HK3: variants seen among roughly 807,000 people sequenced by gnomAD.
The protein encoded by HK3 is hexokinase-3.
Under a neutral mutation model 91.0 loss-of-function variants are expected in HK3, and 93 were observed. That is an observed-to-expected ratio of 1.02 (90% CI 0.86 to 1.21). HK3 has a LOEUF of 1.21. Among genes scored for constraint, HK3 ranks in the 50% most tolerant of loss-of-function variants. The pLI, the probability that HK3 is intolerant of heterozygous loss-of-function variation, is 0.00. For synonymous variants in HK3, 519 were observed against 516.9 expected, an observed-to-expected ratio of 1.00 and a Z score of -0.06; for missense variants, 1,235 against 1,247.4, an observed-to-expected ratio of 0.99 and a Z score of 0.15.
chr5:176,898,023 G>A (rs949896050), intron 1 of HK3, among the ~76,000 whole-genome samples: 8 of 152,062 alleles, frequency 5.3e-5, no homozygotes, highest in Admixed American at 2.0e-4. Context: ...ACGGCCGTTC[G>A]GGCTGCCTGC....
Position 176,882,102 on chromosome 5 carries a change from C to T in HK3, c.2079G>A (p.Met693Ile), listed in dbSNP as rs1469863578. 1 of 1,613,146 alleles carries T rather than the reference C, an allele frequency of 6.2e-7. No individual in the cohort carries two copies. The highest frequency in any genetic ancestry group is 8.5e-7 in the Non-Finnish European group (1 of 1,180,036). ...CGCCCGCCACATTCCGGAGCTCCTC[C>T]ATGTAGCAGGCATTGGTGCCGGTTC... is the stretch of plus-strand genomic sequence containing the variant. ...IVGTGTNACY[M>I]EELRNVAGVP... is the part of the protein sequence containing the mutation. The change falls in exon 16 of 19, where the codon ATG (methionine) becomes ATA (isoleucine). Residue 693 changes from methionine (M) to isoleucine (I), a missense_variant. Met to Ile is a conservative substitution (Grantham distance 10, BLOSUM62 1). Around this residue, in one of 3 missense-constraint regions of HK3, gnomAD observed 513 missense variants for 477.4 expected, o/e 1.07. Coordinates refer to ENST00000292432, the MANE Select transcript of HK3 (RefSeq NM_002115.3).
At position 176,883,789 on chromosome 5, in the gene HK3, G is replaced by A. The variant is rs140261586; in HGVS notation, c.2034C>T (p.Cys678=). The change falls in exon 15 of 19, where the codon TGC becomes TGT. Residue 678 remains cysteine (C), a synonymous_variant. Transcript: ENST00000292432. Reference sequence around the variant, plus strand: ...CCTCACCGACAATGAGGCCTATCTCGCAACGGGGGTCCTCATAGCCACAGG... The same window carrying A: ...CCTCACCGACAATGAGGCCTATCTCACAACGGGGGTCCTCATAGCCACAGG... ...MMSCGYEDPR[C]EIGLIVGTGT... 2.0e-3 allele frequency: 3,229 copies of A among 1,613,760 alleles called. 5 individuals carry two copies. The highest frequency in any genetic ancestry group is 2.2e-3 in the Non-Finnish European group (2,597 of 1,179,776).
Position 176,891,141 on chromosome 5 carries a change from G to A in HK3, c.310C>T (p.Arg104Cys), listed in dbSNP as rs141892147. The stretch of plus-strand genomic sequence containing the variant: ...CCAGTTAGAGTCACCCACAAAACAC[G>A]CAGTGAGGCCCCTGTGGCCCCCAGC... ...LELGATGASL[R>C]VLWVTLTGIE... Residue 104 changes from arginine (R) to cysteine (C), a missense_variant, in exon 4 of 19, where the codon CGT becomes TGT. Arg to Cys is a radical substitution (Grantham distance 180). Around this residue, in one of 3 missense-constraint regions of HK3, gnomAD observed 717 missense variants for 751.6 expected, o/e 0.95. Coordinates refer to ENST00000292432, the MANE Select transcript of HK3 (RefSeq NM_002115.3). 537 of 1,613,990 alleles carry A rather than the reference G, an allele frequency of 3.3e-4. 2 individuals are homozygous for A. Among genetic ancestry groups the A allele is most frequent in the Non-Finnish European group, 4.4e-4 (515 of 1,180,042 alleles).
In HK3 at chr5:176,884,866, A is replaced by G. The variant is rs3792730; in HGVS notation, c.1858-732T>C. Reference sequence around the variant, plus strand: ...TGCTCAGAGGAGGAGCATGGAGGGTAGGTCAGGAAATCTTTGGGGCAGAAG... The same window carrying G: ...TGCTCAGAGGAGGAGCATGGAGGGTGGGTCAGGAAATCTTTGGGGCAGAAG... On this transcript the variant is annotated intron_variant, in intron 13 of 18. Transcript: ENST00000292432. The surrounding 1 kb of genome is among the most constrained non-coding windows in gnomAD (Gnocchi z 4.1). Among the ~76,000 whole-genome samples, 1 of 152,224 alleles carries G rather than the reference A, an allele frequency of 6.6e-6. No homozygotes were observed. Among genetic ancestry groups the G allele is most frequent in the East Asian group, 1.9e-4 (1 of 5,198 alleles).
rs746813171 is a variant in HK3 at position 176,891,199 on chromosome 5, G to T, written c.260-8C>A. 6.2e-7 allele frequency: 1 copy of T among 1,614,114 alleles called. No homozygotes were observed. The highest frequency in any genetic ancestry group is 8.5e-7 in the Non-Finnish European group (1 of 1,180,042). Reference sequence around the variant, plus strand: ...CCACGAAGTCTCCTTGCTCTGGAGGGCAAGCAGGTCACAGAAAGCCATGCA... The same window carrying T: ...CCACGAAGTCTCCTTGCTCTGGAGGTCAAGCAGGTCACAGAAAGCCATGCA... On this transcript the variant is annotated splice_polypyrimidine_tract_variant and splice_region_variant and intron_variant, in intron 3 of 18. Coordinates refer to ENST00000292432, the MANE Select transcript of HK3 (RefSeq NM_002115.3).
At chr5:176,886,963 G>C (rs1387274387) in intron 13 of HK3, 39 bp downstream of exon 13, 1 of 1,611,634 alleles carries the variant, frequency 6.2e-7, no homozygotes, top group East Asian at 2.2e-5. Flanking sequence ...TGTGGGGGCA[G>C]GAGGCCCTTG....
intron 13 of HK3, among the ~76,000 whole-genome samples, chr5:176,885,302 CT>C (rs1758553433): frequency 6.6e-6 from 1 of 152,226 alleles, no homozygotes; most frequent in South Asian, 2.1e-4. Context: ...CCCGGGGCAC[CT>C]CCCTGAGTTC....
At chr5:176,895,074 G>GCCATAGGCAAGTCCTTTATCTCC (rs1224115763) in intron 2 of HK3, among the ~76,000 whole-genome samples, 2 of 137,180 alleles carry the variant, frequency 1.5e-5, no homozygotes, top group African/African-American at 5.8e-5. Context: ...ACTGCGCCCG[G>GCCATAGGCAAGTCCTTTATCTCC]ACTTTTTTTT....
chr5:176,891,367 A>T, intron 3 of HK3, 21 bp downstream of exon 3: 1 of 1,610,396 alleles, frequency 6.2e-7, no homozygotes, highest in East Asian at 2.2e-5. Context: ...CTGGCCACGC[A>T]TCTCAATCTA....
Position 176,888,456 on chromosome 5 carries a change from G to A in HK3, c.1180C>T (p.Arg394Trp), listed in dbSNP as rs200866754. Residue 394 changes from arginine (R) to tryptophan (W), a missense_variant, in exon 10 of 19, where the codon CGG becomes TGG. Arg to Trp is a moderately radical substitution (Grantham distance 101). Around this residue, in one of 3 missense-constraint regions of HK3, gnomAD observed 717 missense variants for 751.6 expected, o/e 0.95. Coordinates refer to ENST00000292432, the MANE Select transcript of HK3 (RefSeq NM_002115.3). ...VQHVCAAVCTRAAQLCAAALA... is the reference protein window; with the variant it reads ...VQHVCAAVCTWAAQLCAAALA... ...GCGGCAGCACAGAGCTGGGCAGCCC[G>A]CGTGCACACGGCCGCACAGACGTGC... 8.3e-5 allele frequency: 129 copies of A among 1,555,242 alleles called. No individual in the cohort carries two copies. The highest frequency in any genetic ancestry group is 2.9e-4 in the East Asian group (12 of 41,300).
At chr5:176,888,991 A>C in intron 8 of HK3, 127 bp from the exon 9 acceptor site, 1 of 1,057,810 alleles carries the variant, frequency 9.5e-7, no homozygotes, top group Non-Finnish European at 1.3e-6. Context: ...TCCAGAAGCA[A>C]CGAATAGCCT....
intron 15 of HK3, 76 bp from the exon 16 acceptor site, chr5:176,882,203 A>T: frequency 6.7e-7 from 1 of 1,485,192 alleles, no homozygotes; most frequent in Non-Finnish European, 9.2e-7. Context: ...CCATACCGAG[A>T]TGGCAACGAT....
rs761084352 is a variant in HK3, at chr5:176,888,782, AG to A, written c.996del (p.Phe333LeufsTer10). On this transcript the variant is annotated frameshift_variant, in exon 9 of 19. Transcript: ENST00000292432. LOFTEE classifies it high-confidence loss of function. ...AGGGCAGGGGAGGTGCAGCCACCAA[AG>A]AGGACCCCACACCGGGCCAAGTGAG... Reference protein sequence around the residue: ...VLAHLARCGVLFGGCTSPALL... With the variant: ...VLAHLARCGVXFGGCTSPALL... The A allele has an allele frequency of 1.9e-6, 3 of 1,614,060 alleles. No individual in the cohort carries two copies. The highest frequency in any genetic ancestry group is 2.5e-6 in the Non-Finnish European group (3 of 1,180,034).
rs1160905429 is a variant in HK3 at position 176,888,579 on chromosome 5, G to A, written c.1071-14C>T. The A allele has an allele frequency of 1.3e-6, 2 of 1,584,736 alleles. No homozygotes were observed. Among genetic ancestry groups the A allele is most frequent in the African/African-American group, 1.3e-5 (1 of 74,084 alleles). ...CCAGTAGAGGGGCTGGAGGGGAAAG[G>A]GAAGTGGTTTGGGGCTCAGCCCAGA... On this transcript the variant is annotated splice_polypyrimidine_tract_variant and intron_variant, in intron 9 of 18. Coordinates refer to ENST00000292432, the MANE Select transcript of HK3 (RefSeq NM_002115.3).
In HK3 at chr5:176,881,722, A is replaced by G. The variant is rs1279998246; in HGVS notation, c.2363T>C (p.Phe788Ser). The stretch of plus-strand genomic sequence containing the variant: ...GATCTCAGAGAGGAACTTGGTCTTG[A>G]AGATGTCCCTGGTCTGAAGGCGCTG... ...QIQRLQTRDI[F>S]KTKFLSEIES... Residue 788 changes from phenylalanine to serine, a missense_variant, in exon 17 of 19, where the codon TTC (phenylalanine) becomes TCC (serine). This residue lies in a region of HK3 where 513 missense variants were observed against 477.4 expected (regional missense o/e 1.07). Transcript: ENST00000292432. The G allele has an allele frequency of 1.9e-6, 3 of 1,614,018 alleles. No individual in the cohort carries two copies. In the African/African-American group the frequency reaches 4.0e-5, roughly 22 times the overall value.
chr5:176,883,676 TCCC>T (rs1409034982), intron 15 of HK3, 91 bp downstream of exon 15: 3 of 997,130 alleles, frequency 3.0e-6, no homozygotes, highest in Non-Finnish European at 4.7e-6. Flanking sequence ...CAATCCCACA[TCCC>T]CACCGCCAAG....
rs35622796 is a variant in HK3 at position 176,895,076 on chromosome 5, CT to C, written c.96+987del. ...ACAGGCCTGAGCCACTGCGCCCGGA[CT>C]TTTTTTTTTTTTTTTTTTGAGATGG... On this transcript the variant is annotated intron_variant, in intron 2 of 18. Transcript: ENST00000292432. Among the ~76,000 whole-genome samples the C allele has an allele frequency of 8.5e-3, 962 of 113,726 alleles. 11 individuals carry two copies. Among genetic ancestry groups the C allele is most frequent in the East Asian group, 0.036 (153 of 4,284 alleles). The allele number at this position is 113,726 out of a possible 152,430, so 74.6% of individuals were successfully genotyped here.
chr5:176,890,337 G>A lies in HK3; in HGVS notation c.630+298C>T, dbSNP rs575328035. Among the ~76,000 whole-genome samples the A allele has an allele frequency of 3.9e-5, 6 of 152,302 alleles. No homozygotes were observed. The East Asian group carries it at 9.6e-4, about 24-fold the overall frequency. On this transcript the variant is annotated intron_variant, in intron 6 of 18. Coordinates refer to ENST00000292432, the MANE Select transcript of HK3 (RefSeq NM_002115.3). ...CCTTGACACGGACAATCTTTTATTAGAATGCTTCCCCATCTAGACTGTGAA... is the reference window on the plus strand; with the variant it reads ...CCTTGACACGGACAATCTTTTATTAAAATGCTTCCCCATCTAGACTGTGAA...
Position 176,884,054 on chromosome 5 carries a change from G to A in HK3, c.1938C>T (p.Ala646=), listed in dbSNP as rs1758515938. Reference sequence around the variant, plus strand: ...AGGCTCCTACCTGTCTGCGAGTGATGGCTTCCCGCAACAGACTCACGACAT... The same window carrying A: ...AGGCTCCTACCTGTCTGCGAGTGATAGCTTCCCGCAACAGACTCACGACAT... ...GQDVVSLLRE[A]ITRRQAVELN... is the part of the protein sequence containing the mutation. Residue 646 remains alanine (A), a synonymous_variant, in exon 14 of 19, where the codon GCC becomes GCT. Coordinates refer to ENST00000292432, the MANE Select transcript of HK3 (RefSeq NM_002115.3). This position sits in a 1 kb window ranked among gnomAD's most constrained non-coding sequence, Gnocchi z 4.1. 1.2e-6 allele frequency: 2 copies of A among 1,614,018 alleles called. No homozygotes were observed. The highest frequency in any genetic ancestry group is 1.3e-5 in the African/African-American group (1 of 74,932).
Sources: gnomAD v4.1 joint callset for allele counts (sites outside exome capture counted in the v4.1 genomes callset) on GRCh38, gnomAD v4.1.1 for gene constraint, gnomAD v4.1.1 regional missense constraint, Gnocchi (gnomAD v3.1) non-coding constraint, MANE v1.5 for transcripts, NCBI Gene and HGNC (gene_info 2026-07-23, HGNC 2026-07-21) for gene names.